Variants in LINGO2 observed in about 807,000 individuals in gnomAD.
LINGO2 encodes the protein leucine rich repeat and Ig domain containing 2, also known as leucine-rich repeat and immunoglobulin-like domain-containing nogo receptor-interacting protein 2.
A neutral mutation model predicts 30.6 loss-of-function variants in LINGO2; 14 were observed. That is an observed-to-expected ratio of 0.46 (90% CI 0.30 to 0.72). The LOEUF (loss-of-function observed/expected upper bound fraction) is 0.72. Ranked by LOEUF, LINGO2 falls within the 30% of genes least tolerant of loss-of-function variation. LINGO2 has a pLI of 0.07. For synonymous variants in LINGO2, 317 were observed against 288.5 expected, an observed-to-expected ratio of 1.10 and a Z score of -1.00; for missense variants, 729 against 751.7, an observed-to-expected ratio of 0.97 and a Z score of 0.35.
chr9:28,525,327 T>C (rs1820979774), intron 1 of LINGO2, among the ~76,000 whole-genome samples: 1 of 152,112 alleles, frequency 6.6e-6, no homozygotes, highest in Admixed American at 6.5e-5. Context: ...ACCTACCCTA[T>C]GATAGCAAAA....
chr9:28,583,209 C>G (rs1824349101), intron 1 of LINGO2, among the ~76,000 whole-genome samples: 1 of 151,848 alleles, frequency 6.6e-6, no homozygotes, highest in African/African-American at 2.4e-5. Flanking sequence ...ATAATTACAG[C>G]AGAAGTTGTA....
At chr9:28,370,326 C>A (rs1190446828) in intron 3 of LINGO2, among the ~76,000 whole-genome samples, 1 of 152,128 alleles carries the variant, frequency 6.6e-6, no homozygotes, top group African/African-American at 2.4e-5. Context: ...ACCACCTCCT[C>A]CTCACACACA....
chr9:28,663,473 C>T (rs549991917), intron 1 of LINGO2, among the ~76,000 whole-genome samples: 2 of 152,174 alleles, frequency 1.3e-5, no homozygotes, highest in East Asian at 1.9e-4. Flanking sequence ...ATCCGGCCTG[C>T]AGTTGTATTC....
At chr9:29,038,969 G>T in the LINGO2 span, among the ~76,000 whole-genome samples, 1 of 152,210 alleles carries the variant, frequency 6.6e-6, no homozygotes, top group East Asian at 1.9e-4. Context: ...CTTTAACTGG[G>T]TGCACATTAG....
chr9:29,032,381 C>G, the LINGO2 span, among the ~76,000 whole-genome samples: 2 of 152,136 alleles, frequency 1.3e-5, no homozygotes, highest in South Asian at 4.1e-4. Context: ...ACAATACATA[C>G]AGCAAAGCTC....
At chr9:28,226,642 GGAAA>G (rs397959896) in intron 4 of LINGO2, among the ~76,000 whole-genome samples, 88 of 53,232 alleles carry the variant, frequency 1.7e-3, no homozygotes, top group South Asian at 3.4e-3. Flanking sequence ...AAGGAAAGAA[GGAAA>G]GAAAGAAAGA....
chr9:28,881,433 A>T, the LINGO2 span, among the ~76,000 whole-genome samples: 1 of 152,158 alleles, frequency 6.6e-6, no homozygotes, highest in African/African-American at 2.4e-5. Context: ...AGAATATTCT[A>T]TTTTAAATTT....
the LINGO2 span, among the ~76,000 whole-genome samples, chr9:29,035,210 C>T: frequency 2.0e-5 from 3 of 151,892 alleles, no homozygotes; most frequent in African/African-American, 7.3e-5. Context: ...CCTCAGCGGC[C>T]TCATAGTCAA....
the LINGO2 span, among the ~76,000 whole-genome samples, chr9:28,929,649 T>A: frequency 6.6e-6 from 1 of 152,170 alleles, no homozygotes; most frequent in African/African-American, 2.4e-5. Flanking sequence ...CTTTCCACAT[T>A]TCTTTCCCCC....
At chr9:28,222,843 G>A (rs1821013430) in intron 4 of LINGO2, among the ~76,000 whole-genome samples, 2 of 152,092 alleles carry the variant, frequency 1.3e-5, no homozygotes, top group African/African-American at 4.8e-5. Context: ...TGAAGAGGGG[G>A]CGATTACATA....
Position 28,088,405 on chromosome 9 carries a change from C to A in LINGO2, c.-86-76000G>T, listed in dbSNP as rs116965259. 2.3e-3 allele frequency among the ~76,000 whole-genome samples: 355 copies of A among 152,082 alleles called. 7 individuals are homozygous for A. In the South Asian group the frequency reaches 0.044, roughly 19 times the overall value. On this transcript the variant is annotated intron_variant, in intron 4 of 5. Coordinates refer to ENST00000379992, the Ensembl canonical transcript of LINGO2. ...CTCTGGCCTTCATTGCCAGACTACCCTGATAAAAGCAAAATGTTAAAACCA... is the reference window on the plus strand; with the variant it reads ...CTCTGGCCTTCATTGCCAGACTACCATGATAAAAGCAAAATGTTAAAACCA...
At chr9:28,734,609 T>C in the LINGO2 span, among the ~76,000 whole-genome samples, 1 of 151,958 alleles carries the variant, frequency 6.6e-6, no homozygotes, top group South Asian at 2.1e-4. Context: ...ATATAAAGCA[T>C]ACAGATGCCT....
the LINGO2 span, among the ~76,000 whole-genome samples, chr9:29,079,500 G>T: frequency 6.6e-6 from 1 of 151,752 alleles, no homozygotes; most frequent in African/African-American, 2.4e-5. Context: ...AGCTATTAAG[G>T]GTATCATGAA....
At chr9:28,270,029 G>C (rs968711036) in intron 4 of LINGO2, among the ~76,000 whole-genome samples, 1 of 152,134 alleles carries the variant, frequency 6.6e-6, no homozygotes, top group African/African-American at 2.4e-5. Context: ...GGGATTCTCA[G>C]ATAGTTTGTA....
intron 1 of LINGO2, among the ~76,000 whole-genome samples, chr9:28,517,479 T>C (rs186572495): frequency 8.5e-5 from 13 of 152,276 alleles, no homozygotes; most frequent in African/African-American, 2.6e-4. Context: ...ATTAAAAGAA[T>C]TGGAGGGGAG....
At chr9:28,653,281 G>A (rs1828190883) in intron 1 of LINGO2, among the ~76,000 whole-genome samples, 1 of 152,068 alleles carries the variant, frequency 6.6e-6, no homozygotes, top group African/African-American at 2.4e-5. Context: ...TTTTGTGACT[G>A]TACCACCTGG....
chr9:28,636,684 T>C (rs1233699394), intron 1 of LINGO2, among the ~76,000 whole-genome samples: 5 of 152,172 alleles, frequency 3.3e-5, no homozygotes, highest in African/African-American at 7.2e-5. Flanking sequence ...TTTTTTCTTA[T>C]AAATTTGTTT....
At chr9:28,745,637 A>C in the LINGO2 span, among the ~76,000 whole-genome samples, 1 of 152,066 alleles carries the variant, frequency 6.6e-6, no homozygotes, top group Non-Finnish European at 1.5e-5. Context: ...AATATTGTTC[A>C]TTAAAAGATT....
chr9:29,205,119 C>A, the LINGO2 span, among the ~76,000 whole-genome samples: 4 of 152,146 alleles, frequency 2.6e-5, no homozygotes, highest in Non-Finnish European at 5.9e-5. Flanking sequence ...TGGCTCACTG[C>A]AACCTCCGCC....
Sources: allele counts gnomAD v4.1 joint callset (sites outside exome capture counted in the v4.1 genomes callset), GRCh38; gene constraint gnomAD v4.1.1; transcripts MANE v1.5; gene names NCBI Gene and HGNC (gene_info 2026-07-23, HGNC 2026-07-21).